Variants in TNKS observed in about 807,000 individuals in gnomAD.
The protein encoded by TNKS is tankyrase.
In TNKS, 72 loss-of-function variants were observed where a neutral mutation model predicts 135.8. The ratio of observed to expected loss-of-function variants is 0.53; its 90% CI spans 0.44 to 0.64. The LOEUF is 0.64. Among genes scored for constraint, TNKS ranks in the 30% least tolerant of loss-of-function variants. The pLI is 0.00. For missense variants in TNKS, 1,769 were observed against 1,674.0 expected (o/e 1.06, Z -0.99); for synonymous variants, 849 against 649.3 (o/e 1.31, Z -4.68).
chr8:9,564,978 G>T (rs1797469384), intron 1 of TNKS, among the ~76,000 whole-genome samples: 7 of 151,694 alleles, frequency 4.6e-5, no homozygotes, highest in Admixed American at 4.6e-4. Context: ...TTCTACTAAA[G>T]CCTAGGAGCT....
chr8:9,705,124 AT>A (rs1803986944), intron 6 of TNKS, among the ~76,000 whole-genome samples: 1 of 152,328 alleles, frequency 6.6e-6, no homozygotes, highest in South Asian at 2.1e-4. Context: ...ATCATCCTTT[AT>A]TGATAAACCA....
At chr8:9,756,157 T>G (rs1167954279) in intron 20 of TNKS, among the ~76,000 whole-genome samples, 1 of 152,170 alleles carries the variant, frequency 6.6e-6, no homozygotes, top group East Asian at 1.9e-4. Flanking sequence ...CTATGTATTT[T>G]CATGGAAAGT....
intron 2 of TNKS, among the ~76,000 whole-genome samples, chr8:9,583,889 G>T (rs1269614670): frequency 6.6e-6 from 1 of 151,922 alleles, no homozygotes; most frequent in Admixed American, 6.6e-5. Context: ...GAGTCGGAGG[G>T]TGCGGTGGCT....
intron 5 of TNKS, among the ~76,000 whole-genome samples, chr8:9,701,696 C>G (rs553460676): frequency 6.6e-6 from 1 of 152,122 alleles, no homozygotes; most frequent in Non-Finnish European, 1.5e-5. Flanking sequence ...TCCAACTTAC[C>G]GCCTCCAAAG....
chr8:9,574,567 TAATA>T (rs138314548), intron 1 of TNKS, among the ~76,000 whole-genome samples: 1 of 152,358 alleles, frequency 6.6e-6, no homozygotes, highest in East Asian at 1.9e-4. Context: ...GTAATTTCCC[TAATA>T]AATGGTTTCC....
At chr8:9,675,730 T>G (rs1468796070) in intron 3 of TNKS, among the ~76,000 whole-genome samples, 2 of 152,186 alleles carry the variant, frequency 1.3e-5, no homozygotes, top group African/African-American at 2.4e-5. Flanking sequence ...TTACATGTCT[T>G]TTTCCAGAAC....
rs536174774 is a variant in TNKS at position 9,772,156 on chromosome 8, T to C, written c.3897+1894T>C. On this transcript the variant is annotated intron_variant, in intron 26 of 26. Transcript: ENST00000310430. ...ATGGGACTCATCATGTACCCATTAT[T>C]AGACCAGGCAAGAATTATTAATGGA... Among the ~76,000 whole-genome samples, 10 of 150,534 alleles carry C rather than the reference T, an allele frequency of 6.6e-5. No individual in the cohort carries two copies. In the East Asian group the frequency reaches 1.2e-3, roughly 18 times the overall value.
Position 9,698,171 on chromosome 8 carries a change from G to A in TNKS, c.1108-6492G>A, listed in dbSNP as rs115026703. Among the ~76,000 whole-genome samples, 265 of 152,198 alleles carry A rather than the reference G, an allele frequency of 1.7e-3. 1 individual carries two copies. Among genetic ancestry groups the A allele is most frequent in the African/African-American group, 6.1e-3 (253 of 41,550 alleles). Reference sequence around the variant, plus strand: ...AGGAACAGAAAACTACATATCACATGTTCTCACTTATAAGTGGGATCTAAA... The same window carrying A: ...AGGAACAGAAAACTACATATCACATATTCTCACTTATAAGTGGGATCTAAA... On this transcript the variant is annotated intron_variant, in intron 5 of 26. Coordinates refer to ENST00000310430, the MANE Select transcript of TNKS (RefSeq NM_003747.3).
intron 5 of TNKS, among the ~76,000 whole-genome samples, chr8:9,685,853 G>A (rs893494720): frequency 6.6e-6 from 1 of 152,164 alleles, no homozygotes; most frequent in Non-Finnish European, 1.5e-5. Flanking sequence ...TGAAGAACAA[G>A]AAAGATGGAG....
chr8:9,637,601 A>G (rs1800560741), intron 3 of TNKS, among the ~76,000 whole-genome samples: 2 of 152,204 alleles, frequency 1.3e-5, no homozygotes, highest in South Asian at 2.1e-4. Context: ...GCCAGTGGCA[A>G]TGACAGACAG....
chr8:9,767,873 G>A (rs1284489410), intron 25 of TNKS, among the ~76,000 whole-genome samples: 1 of 151,560 alleles, frequency 6.6e-6, no homozygotes, highest in African/African-American at 2.4e-5. Flanking sequence ...GCAGGAGAAT[G>A]GTGAGTACCC....
chr8:9,694,620 G>C (rs1803428550), intron 5 of TNKS, among the ~76,000 whole-genome samples: 1 of 151,962 alleles, frequency 6.6e-6, no homozygotes, highest in Non-Finnish European at 1.5e-5. Context: ...AAATTAGCCG[G>C]GTGTGGTGGT....
At chr8:9,684,193 A>G (rs937867362) in intron 5 of TNKS, among the ~76,000 whole-genome samples, 2 of 151,990 alleles carry the variant, frequency 1.3e-5, no homozygotes, top group Non-Finnish European at 2.9e-5. Context: ...TTGCCTTTCT[A>G]GAATTCTTTA....
chr8:9,559,265 C>T (rs749959852), intron 1 of TNKS, among the ~76,000 whole-genome samples: 20 of 151,950 alleles, frequency 1.3e-4, no homozygotes, highest in Non-Finnish European at 5.9e-5. Context: ...AATAGGAGCT[C>T]TTATCCTTGT....
At position 9,766,563 on chromosome 8, in the gene TNKS, G is replaced by A. The variant is rs143004198; in HGVS notation, c.3740+138G>A. The A allele has an allele frequency of 7.1e-3, 4,895 of 686,900 alleles. 27 individuals carry two copies. The highest frequency in any genetic ancestry group is 0.011 in the Admixed American group (280 of 24,862). The allele number at this position is 686,900 out of a possible 1,614,324, so 42.6% of individuals were successfully genotyped here. ...GTGCGGTGGCACGATCCTGGCTCAC[G>A]CAACCTCCACCTCCTGGGTTCAAGC... is the stretch of plus-strand genomic sequence containing the variant. On this transcript the variant is annotated intron_variant, in intron 25 of 26. Transcript: ENST00000310430.
At chr8:9,595,555 A>G (rs1190468743) in intron 2 of TNKS, among the ~76,000 whole-genome samples, 5 of 149,438 alleles carry the variant, frequency 3.3e-5, no homozygotes, top group Non-Finnish European at 7.4e-5. Context: ...TACACATAAC[A>G]TATATATATG....
chr8:9,605,974 T>G (rs1799201431), intron 2 of TNKS, among the ~76,000 whole-genome samples: 1 of 151,934 alleles, frequency 6.6e-6, no homozygotes, highest in Non-Finnish European at 1.5e-5. Context: ...GTATTTTCTT[T>G]TAAGGCTTAG....
chr8:9,720,994 A>C (rs965587097), intron 12 of TNKS, among the ~76,000 whole-genome samples: 6 of 152,178 alleles, frequency 3.9e-5, no homozygotes, highest in Non-Finnish European at 5.9e-5. Context: ...CTTAAATATA[A>C]TTATAGGCCG....
intron 17 of TNKS, among the ~76,000 whole-genome samples, chr8:9,746,881 CTT>C (rs10672387): frequency 1.0e-4 from 12 of 117,176 alleles, no homozygotes; most frequent in East Asian, 2.4e-4. Context: ...CCTACTTAAA[CTT>C]TTTTTTTTTT....
Sources: allele counts gnomAD v4.1 joint callset (sites outside exome capture counted in the v4.1 genomes callset), GRCh38; gene constraint gnomAD v4.1.1; transcripts MANE v1.5; gene names NCBI Gene and HGNC (gene_info 2026-07-23, HGNC 2026-07-21).